The following SEC11A variants were observed in gnomAD, a reference collection of about 807,000 sequenced individuals.
The protein encoded by SEC11A is SEC11 homolog A, signal peptidase complex subunit.
In SEC11A, 14 loss-of-function variants were observed where a neutral mutation model predicts 25.6. The observed-to-expected ratio is 0.55, with a 90% CI of 0.36 to 0.85. The LOEUF is 0.85. SEC11A is among the 40% of genes least tolerant of loss of function. The pLI is 0.01. For missense variants in SEC11A, 153 were observed against 222.9 expected (o/e 0.69, Z 2.00); for synonymous variants, 83 against 76.4 (o/e 1.09, Z -0.45).
chr15:84,708,087 T>C (rs975874323), intron 1 of SEC11A, among the ~76,000 whole-genome samples: 2 of 151,344 alleles, frequency 1.3e-5, no homozygotes, highest in East Asian at 3.9e-4. Context: ...GGCACACGCC[T>C]GTAATCCCAG....
intron 5 of SEC11A, 121 bp downstream of exon 5, chr15:84,670,604 T>C (rs533246709): frequency 1.8e-6 from 1 of 541,312 alleles, no homozygotes; most frequent in East Asian, 3.5e-5. Flanking sequence ...GGTCTTGAAC[T>C]CCTGGGCTCA....
intron 1 of SEC11A, among the ~76,000 whole-genome samples, chr15:84,700,837 AGG>A (rs1897913093): frequency 6.9e-6 from 1 of 144,076 alleles, no homozygotes; most frequent in African/African-American, 2.6e-5. Flanking sequence ...AAAATTAGCC[AGG>A]CGTGGTGGCG....
In SEC11A at chr15:84,669,867, T is replaced by A; in HGVS notation, c.*152A>T. ...TGCACATGCGCCCGCCCACACAAAC[T>A]CTGGCATGGAAACATAAACTAATGC... On this transcript the variant is annotated 3_prime_UTR_variant, in exon 6 of 6. Transcript: ENST00000268220. 1 of 1,454,504 alleles carries A rather than the reference T, an allele frequency of 6.9e-7. No homozygotes were observed. Among genetic ancestry groups the A allele is most frequent in the Non-Finnish European group, 9.4e-7 (1 of 1,068,568 alleles). 90.1% of individuals were successfully genotyped at this position (1,454,504 alleles called of 1,614,324 possible).
chr15:84,686,768 G>A (rs989262472), intron 3 of SEC11A: 3 of 152,100 alleles, frequency 2.0e-5, no homozygotes, highest in Admixed American at 6.6e-5. Context: ...GCACAAACAC[G>A]ACTCACTGCA....
intron 2 of SEC11A, among the ~76,000 whole-genome samples, chr15:84,689,910 T>C (rs1897552978): frequency 6.6e-6 from 1 of 152,228 alleles, no homozygotes; most frequent in Middle Eastern, 3.4e-3. Flanking sequence ...ACCCAGCCTA[T>C]AATGTTTCAG....
intron 1 of SEC11A, among the ~76,000 whole-genome samples, chr15:84,710,808 G>T (rs767861224): frequency 6.6e-6 from 1 of 152,070 alleles, no homozygotes; most frequent in African/African-American, 2.4e-5. Context: ...ACCTCAATGT[G>T]CATTGAAAAA....
rs184261528 is a variant in SEC11A at position 84,682,391 on chromosome 15, A to G, written c.312-1559T>C. Among the ~76,000 whole-genome samples the G allele has an allele frequency of 4.0e-3, 605 of 152,304 alleles. 2 individuals are homozygous for G. The highest frequency in any genetic ancestry group is 0.014 in the African/African-American group (575 of 41,570). ...AAAAAATGTTAGCTTTCAAAGAAGAAATACCTCAATTCTTCAGATATGCCA... is the reference window on the plus strand; with the variant it reads ...AAAAAATGTTAGCTTTCAAAGAAGAGATACCTCAATTCTTCAGATATGCCA... On this transcript the variant is annotated intron_variant, in intron 3 of 5. Transcript: ENST00000268220.
chr15:84,706,885 G>A (rs984301977), intron 1 of SEC11A, among the ~76,000 whole-genome samples: 2 of 152,198 alleles, frequency 1.3e-5, no homozygotes, highest in African/African-American at 4.8e-5. Context: ...TTACGCAGAA[G>A]GTCACTGTAG....
intron 1 of SEC11A, among the ~76,000 whole-genome samples, chr15:84,702,506 T>C (rs1196249812): frequency 2.6e-5 from 4 of 152,032 alleles, no homozygotes; most frequent in Non-Finnish European, 5.9e-5. Context: ...GGTCTTGCTA[T>C]GTTGCCCAGG....
intron 1 of SEC11A, among the ~76,000 whole-genome samples, chr15:84,705,639 G>A (rs1163570418): frequency 3.9e-5 from 6 of 151,900 alleles, no homozygotes. Context: ...TGGATTACCT[G>A]AGGTCATGAG....
At chr15:84,672,297 C>T (rs1897005120) in intron 4 of SEC11A, 2 of 155,780 alleles carry the variant, frequency 1.3e-5, no homozygotes, top group Non-Finnish European at 2.8e-5. Context: ...TCTCTTTCCA[C>T]GGTCTCCCTC....
chr15:84,678,223 C>CA (rs925134827), intron 4 of SEC11A, among the ~76,000 whole-genome samples: 2 of 141,430 alleles, frequency 1.4e-5, no homozygotes, highest in Admixed American at 7.2e-5. Context: ...GACTCTGCCT[C>CA]AAAAAAAAGA....
intron 2 of SEC11A, among the ~76,000 whole-genome samples, chr15:84,688,602 A>T (rs976400662): frequency 1.3e-5 from 2 of 152,224 alleles, no homozygotes; most frequent in Non-Finnish European, 2.9e-5. Flanking sequence ...GAATAGAAAG[A>T]CAAGAAATAA....
intron 1 of SEC11A, chr15:84,714,742 A>G (rs925100534): frequency 3.3e-5 from 5 of 152,228 alleles, no homozygotes; most frequent in African/African-American, 1.2e-4. Flanking sequence ...TTACAGGTGT[A>G]TAAAGTGCTT....
chr15:84,696,395 A>G (rs1456970454), intron 1 of SEC11A, among the ~76,000 whole-genome samples: 1 of 152,228 alleles, frequency 6.6e-6, no homozygotes, highest in African/African-American at 2.4e-5. Flanking sequence ...AGACACAATT[A>G]TGTCAACCAG....
intron 1 of SEC11A, among the ~76,000 whole-genome samples, chr15:84,711,203 G>A (rs1043788357): frequency 6.6e-6 from 1 of 151,934 alleles, no homozygotes; most frequent in Non-Finnish European, 1.5e-5. Flanking sequence ...GCAACCTGGT[G>A]AAACCCAGAC....
rs367730222 is a variant in SEC11A at position 84,716,127 on chromosome 15, G to A, written c.-52C>T. 6.4e-7 allele frequency: 1 copy of A among 1,564,336 alleles called. No homozygotes were observed. ...CAGGGGAAAGGGCGCGATGACCAGC[G>A]GGCGGAACTACTGGAGCTCGGGTCG... On this transcript the variant is annotated 5_prime_UTR_variant, in exon 1 of 6. Coordinates refer to ENST00000268220, the MANE Select transcript of SEC11A (RefSeq NM_014300.4).
intron 1 of SEC11A, among the ~76,000 whole-genome samples, chr15:84,704,416 T>C (rs1881187270): frequency 6.6e-6 from 1 of 152,174 alleles, no homozygotes; most frequent in African/African-American, 2.4e-5. Flanking sequence ...GTTTTCGATT[T>C]ATTGTCTCTC....
chr15:84,699,705 G>A (rs1286945018), intron 1 of SEC11A, among the ~76,000 whole-genome samples: 1 of 151,934 alleles, frequency 6.6e-6, no homozygotes, highest in Admixed American at 6.6e-5. Flanking sequence ...CAGGAGGATA[G>A]CTTGAGCCCA....
Sources: allele counts gnomAD v4.1 joint callset (sites outside exome capture counted in the v4.1 genomes callset), GRCh38; gene constraint gnomAD v4.1.1; transcripts MANE v1.5; gene names NCBI Gene and HGNC (gene_info 2026-07-23, HGNC 2026-07-21).